Variants in ADCY2 observed in about 807,000 individuals in gnomAD.
ADCY2 encodes adenylate cyclase type 2.
ADCY2 carries 31 observed loss-of-function variants against 125.2 expected under a neutral mutation model. The ratio of observed to expected loss-of-function variants is 0.25; its 90% CI spans 0.19 to 0.33. The LOEUF (loss-of-function observed/expected upper bound fraction) is 0.33, where lower values mean the gene tolerates loss of function less well. ADCY2 is among the 10% of genes least tolerant of loss of function. The probability of loss-of-function intolerance (pLI) is 1.00; values close to 1 mark genes in which losing one functional copy is unlikely to be tolerated. For synonymous variants in ADCY2, 512 were observed against 548.4 expected (o/e 0.93, Z 0.93); for missense variants, 904 against 1,418.2 (o/e 0.64, Z 5.82).
At chr5:7,515,384 C>A (rs932349808) in intron 2 of ADCY2, among the ~76,000 whole-genome samples, 4 of 152,142 alleles carry the variant, frequency 2.6e-5, no homozygotes, top group African/African-American at 9.7e-5. Context: ...TAGGCAGGAG[C>A]AGATGTGCTG....
chr5:7,461,869 G>A (rs1192812206), intron 2 of ADCY2, among the ~76,000 whole-genome samples: 1 of 152,166 alleles, frequency 6.6e-6, no homozygotes, highest in African/African-American at 2.4e-5. Flanking sequence ...AATGATTTCT[G>A]TTTAGATCTC....
At chr5:7,742,949 C>T (rs1742479634) in intron 14 of ADCY2, among the ~76,000 whole-genome samples, 1 of 152,124 alleles carries the variant, frequency 6.6e-6, no homozygotes, top group Admixed American at 6.5e-5. Context: ...ACCTCTGAAA[C>T]TTCTATCCTT....
At chr5:7,522,025 C>T (rs1425572537) in intron 3 of ADCY2, among the ~76,000 whole-genome samples, 1 of 152,178 alleles carries the variant, frequency 6.6e-6, no homozygotes, top group Non-Finnish European at 1.5e-5. Context: ...GGCCATATGG[C>T]TCCTCTCTGC....
intron 3 of ADCY2, among the ~76,000 whole-genome samples, chr5:7,573,593 C>CTTTTCTTTTTTTTTTTTTTTTTTTTTTT (rs1736134660): frequency 1.2e-5 from 1 of 86,376 alleles, no homozygotes; most frequent in Non-Finnish European, 2.4e-5. Context: ...GGTTGATTTT[C>CTTTTCTTTTTTTTTTTTTTTTTTTTTTT]TTTTTTTTTT....
intron 20 of ADCY2, chr5:7,797,575 C>T (rs1364299251): frequency 6.6e-6 from 1 of 152,230 alleles, no homozygotes; most frequent in Non-Finnish European, 1.5e-5. Context: ...AAGTCTGGCA[C>T]ACAGCAGGCC....
rs139560974 is a variant in ADCY2, at chr5:7,597,468, T to C, written c.571-28699T>C. Among the ~76,000 whole-genome samples, 69 of 152,226 alleles carry C rather than the reference T, an allele frequency of 4.5e-4. No individual in the cohort carries two copies. In the East Asian group the frequency reaches 0.012, roughly 27 times the overall value. Reference sequence around the variant, plus strand: ...ATGCTTCCCTTCAGGAGCAGTAGAATAGGCAGGGTAAAGAATGCAGTAGTG... The same window carrying C: ...ATGCTTCCCTTCAGGAGCAGTAGAACAGGCAGGGTAAAGAATGCAGTAGTG... On this transcript the variant is annotated intron_variant, in intron 3 of 24. Transcript: ENST00000338316.
chr5:7,810,703 C>T (rs545976922), intron 22 of ADCY2, among the ~76,000 whole-genome samples: 1 of 152,226 alleles, frequency 6.6e-6, no homozygotes, highest in East Asian at 1.9e-4. Context: ...TCTACCTGAT[C>T]TTCATCCTGA....
At chr5:7,428,847 G>A (rs1285147850) in intron 2 of ADCY2, among the ~76,000 whole-genome samples, 3 of 152,214 alleles carry the variant, frequency 2.0e-5, no homozygotes, top group Non-Finnish European at 4.4e-5. Context: ...CTCTAGGATT[G>A]CTCCAGTTTC....
chr5:7,712,801 C>A, intron 10 of ADCY2, 55 bp from the exon 11 acceptor site: 1 of 1,225,068 alleles, frequency 8.2e-7, no homozygotes, highest in Non-Finnish European at 1.2e-6. Context: ...ATTATCATTG[C>A]AACATTCTTC....
intron 11 of ADCY2, among the ~76,000 whole-genome samples, chr5:7,715,561 T>A (rs2126373248): frequency 6.6e-6 from 1 of 152,258 alleles, no homozygotes; most frequent in East Asian, 1.9e-4. Context: ...TTGCTTTTTT[T>A]TTTTTTTAAG....
chr5:7,659,590 G>A (rs1385359715), intron 4 of ADCY2, among the ~76,000 whole-genome samples: 6 of 152,168 alleles, frequency 3.9e-5, no homozygotes, highest in Admixed American at 1.3e-4. Context: ...GTCCTCTTAT[G>A]TCCATAGCTT....
At chr5:7,664,063 C>T (rs1051211774) in intron 4 of ADCY2, among the ~76,000 whole-genome samples, 1 of 152,294 alleles carries the variant, frequency 6.6e-6, no homozygotes, top group South Asian at 2.1e-4. Flanking sequence ...TTTAGCATGA[C>T]AAAACCCTAC....
chr5:7,504,808 C>T (rs1469381179), intron 2 of ADCY2, among the ~76,000 whole-genome samples: 1 of 151,326 alleles, frequency 6.6e-6, no homozygotes, highest in African/African-American at 2.4e-5. Flanking sequence ...CATGCCTGAC[C>T]AAAAATTGCA....
At chr5:7,522,412 T>G (rs1464574632) in intron 3 of ADCY2, 1 of 152,050 alleles carries the variant, frequency 6.6e-6, no homozygotes, top group Non-Finnish European at 1.5e-5. Flanking sequence ...TGGGATGAAG[T>G]GCAAGAAACA....
chr5:7,487,567 G>A (rs1321574058), intron 2 of ADCY2, among the ~76,000 whole-genome samples: 3 of 152,148 alleles, frequency 2.0e-5, no homozygotes, highest in South Asian at 2.1e-4. Flanking sequence ...TCCACTGTGG[G>A]TGAGGCGACT....
chr5:7,420,697 T>C (rs1740167781), intron 2 of ADCY2, among the ~76,000 whole-genome samples: 1 of 152,142 alleles, frequency 6.6e-6, no homozygotes, highest in Admixed American at 6.5e-5. Context: ...CTGAGTGAAG[T>C]CTGCGCAGTA....
intron 2 of ADCY2, among the ~76,000 whole-genome samples, chr5:7,500,685 G>A (rs1743528047): frequency 6.6e-6 from 1 of 152,190 alleles, no homozygotes; most frequent in Non-Finnish European, 1.5e-5. Flanking sequence ...GAAAGCCTGG[G>A]AAATTGTCAG....
intron 2 of ADCY2, among the ~76,000 whole-genome samples, chr5:7,450,751 G>A (rs188994709): frequency 2.0e-4 from 30 of 152,210 alleles, no homozygotes; most frequent in African/African-American, 7.2e-4. Context: ...TAATGCAGCT[G>A]GTAACTTTAA....
At chr5:7,571,360 C>T (rs749010456) in intron 3 of ADCY2, among the ~76,000 whole-genome samples, 9 of 152,116 alleles carry the variant, frequency 5.9e-5, no homozygotes, top group South Asian at 2.1e-4. Context: ...TGATGTCAAA[C>T]GACTGGAGAA....
Sources: gnomAD v4.1 joint callset for allele counts (sites outside exome capture counted in the v4.1 genomes callset) on GRCh38, gnomAD v4.1.1 for gene constraint, MANE v1.5 for transcripts, NCBI Gene and HGNC (gene_info 2026-07-23, HGNC 2026-07-21) for gene names.